NEK10: variants seen among roughly 807,000 people sequenced by gnomAD.
NEK10 encodes serine/threonine-protein kinase Nek10.
A neutral mutation model predicts 159.8 loss-of-function variants in NEK10; 122 were observed. The ratio of observed to expected loss-of-function variants is 0.76; its 90% CI spans 0.66 to 0.89. The LOEUF is 0.89. Ranked by LOEUF, NEK10 falls within the 40% of genes least tolerant of loss-of-function variation. The probability of loss-of-function intolerance (pLI) is 0.00; values close to 1 mark genes in which losing one functional copy is unlikely to be tolerated. For synonymous variants in NEK10, 466 were observed against 457.1 expected (o/e 1.02, Z -0.25); for missense variants, 1,342 against 1,323.1 (o/e 1.01, Z -0.22).
intron 32 of NEK10, among the ~76,000 whole-genome samples, chr3:27,122,000 T>G (rs996525419): frequency 6.6e-6 from 1 of 152,218 alleles, no homozygotes; most frequent in African/African-American, 2.4e-5. Flanking sequence ...CAATGGACTT[T>G]GGATATTGTA....
chr3:27,291,803 C>T lies in NEK10; in HGVS notation c.1374-217G>A, dbSNP rs550965487. On this transcript the variant is annotated intron_variant, in intron 16 of 35. Coordinates refer to ENST00000691995, the MANE Select transcript of NEK10 (RefSeq NM_001394966.1). Reference sequence around the variant, plus strand: ...GACTACAGGTGCCTGCCACCATGCCCGGCTAATTTTTTGTATTTTTAGTAG... The same window carrying T: ...GACTACAGGTGCCTGCCACCATGCCTGGCTAATTTTTTGTATTTTTAGTAG... 1.2e-3 allele frequency among the ~76,000 whole-genome samples: 175 copies of T among 151,954 alleles called. 1 individual carries two copies. Among genetic ancestry groups the T allele is most frequent in the African/African-American group, 4.0e-3 (164 of 41,328 alleles).
intron 26 of NEK10, among the ~76,000 whole-genome samples, chr3:27,184,812 A>C (rs984863372): frequency 2.0e-5 from 3 of 152,218 alleles, no homozygotes; most frequent in Non-Finnish European, 4.4e-5. Context: ...TCCTTTAAAA[A>C]TACATCATTT....
chr3:27,141,462 T>C lies in NEK10; in HGVS notation c.2970+20A>G. ...ACTTGCATTTAAGATGAAAAGGAAATAAAAAGCTAGAACACTGACCTGTGT... is the reference window on the plus strand; with the variant it reads ...ACTTGCATTTAAGATGAAAAGGAAACAAAAAGCTAGAACACTGACCTGTGT... On this transcript the variant is annotated intron_variant, in intron 31 of 35. Coordinates refer to ENST00000691995, the MANE Select transcript of NEK10 (RefSeq NM_001394966.1). 1 of 1,547,862 alleles carries C rather than the reference T, an allele frequency of 6.5e-7. No individual in the cohort carries two copies. The highest frequency in any genetic ancestry group is 1.2e-5 in the South Asian group (1 of 84,082).
At position 27,202,524 on chromosome 3, in the gene NEK10, C is replaced by G; in HGVS notation, c.2124G>C (p.Glu708Asp). 6.2e-7 allele frequency: 1 copy of G among 1,612,562 alleles called. No homozygotes were observed. Among genetic ancestry groups the G allele is most frequent in the Non-Finnish European group, 8.5e-7 (1 of 1,179,166 alleles). Residue 708 changes from glutamate to aspartate, a missense_variant, in exon 24 of 36, where the codon GAG becomes GAC. By Grantham distance (45) the Glu-to-Asp change is conservative. Transcript: ENST00000691995. ...AGCCTACTGCCCAGACATCAGCCTT[C>G]TCCCCATACGGCTCACTCTTCAGTA... ...PEVLKSEPYG[E>D]KADVWAVGCI...
chr3:27,295,466 C>A, intron 15 of NEK10, 147 bp downstream of exon 15: 1 of 883,278 alleles, frequency 1.1e-6, no homozygotes, highest in African/African-American at 1.7e-5. Flanking sequence ...TGATTCCATG[C>A]CAGTCTTCCT....
At chr3:27,162,811 G>T in intron 29 of NEK10, 73 bp from the exon 30 acceptor site, 1 of 1,600,838 alleles carries the variant, frequency 6.2e-7, no homozygotes, top group Non-Finnish European at 8.5e-7. Flanking sequence ...CCTACATCTT[G>T]CTATGGTCTA....
At chr3:27,147,400 C>G (rs567376272) in intron 30 of NEK10, among the ~76,000 whole-genome samples, 24 of 152,328 alleles carry the variant, frequency 1.6e-4, no homozygotes, top group African/African-American at 5.8e-4. Context: ...TTGGAAGGAG[C>G]TTGGCAGTCT....
intron 23 of NEK10, among the ~76,000 whole-genome samples, chr3:27,219,727 G>A (rs534520417): frequency 6.6e-6 from 1 of 152,226 alleles, no homozygotes; most frequent in East Asian, 1.9e-4. Flanking sequence ...TTCTAGTTGA[G>A]TCACTTAGTC....
chr3:27,107,682 T>A lies in NEK10; in HGVS notation c.*3590A>T, dbSNP rs944494778. Among the ~76,000 whole-genome samples, 3 of 152,206 alleles carry A rather than the reference T, an allele frequency of 2.0e-5. No individual in the cohort carries two copies. The highest frequency in any genetic ancestry group is 7.2e-5 in the African/African-American group (3 of 41,456). ...GCTTCCCTTACGTTGGAGCCCTTCA[T>A]AGCTGTAACTCCAGGGTGCCAAGAA... On this transcript the variant is annotated 3_prime_UTR_variant, in exon 36 of 36. Coordinates refer to ENST00000691995, the MANE Select transcript of NEK10 (RefSeq NM_001394966.1).
rs558231511 is a variant in NEK10 at position 27,292,401 on chromosome 3, G to A, written c.1374-815C>T. Among the ~76,000 whole-genome samples, 28 of 152,136 alleles carry A rather than the reference G, an allele frequency of 1.8e-4. 1 individual carries two copies. The highest frequency in any genetic ancestry group is 3.7e-4 in the Non-Finnish European group (25 of 67,990). On this transcript the variant is annotated intron_variant, in intron 16 of 35. Transcript: ENST00000691995. ...CCCAACTTTTAAATAAAAGTTTCAT[G>A]AAAATAAAAATACTGGTACATGAAA...
In NEK10 at chr3:27,283,514, C is replaced by T. The variant is rs181369562; in HGVS notation, c.2014+1088G>A. 7.2e-5 allele frequency among the ~76,000 whole-genome samples: 11 copies of T among 152,052 alleles called. No individual in the cohort carries two copies. The South Asian group carries it at 1.2e-3, about 17-fold the overall frequency. ...AAAAATTTTTATTGCTGGGATGTTA[C>T]GGTGAAAAACATTTGGAGACTGCTG... On this transcript the variant is annotated intron_variant, in intron 22 of 35. Transcript: ENST00000691995.
Position 27,141,468 on chromosome 3 carries a change from G to A in NEK10, c.2970+14C>T. 19 of 1,567,008 alleles carry A rather than the reference G, an allele frequency of 1.2e-5. No individual in the cohort carries two copies. The highest frequency in any genetic ancestry group is 1.7e-5 in the Non-Finnish European group (19 of 1,148,440). ...ATTTAAGATGAAAAGGAAATAAAAA[G>A]CTAGAACACTGACCTGTGTGATATA... On this transcript the variant is annotated intron_variant, in intron 31 of 35. Transcript: ENST00000691995.
At chr3:27,310,105 T>C (rs2044571383) in intron 9 of NEK10, 2 of 152,240 alleles carry the variant, frequency 1.3e-5, no homozygotes, top group South Asian at 4.1e-4. Flanking sequence ...TTTGCCTTTA[T>C]GATTTCATTT....
chr3:27,213,349 T>A (rs1432648850), intron 23 of NEK10, among the ~76,000 whole-genome samples: 1 of 152,204 alleles, frequency 6.6e-6, no homozygotes, highest in Non-Finnish European at 1.5e-5. Flanking sequence ...TTATTAAAAC[T>A]GATCTTTGCT....
chr3:27,186,846 G>A (rs1948668210), intron 26 of NEK10, among the ~76,000 whole-genome samples: 1 of 152,182 alleles, frequency 6.6e-6, no homozygotes, highest in Non-Finnish European at 1.5e-5. Context: ...TAGTGCCAGT[G>A]AGTTCCCCAT....
intron 30 of NEK10, among the ~76,000 whole-genome samples, chr3:27,160,148 T>G (rs1167830551): frequency 6.6e-6 from 1 of 152,166 alleles, no homozygotes; most frequent in African/African-American, 2.4e-5. Context: ...CAAATTTAAG[T>G]GCTTTACCTA....
chr3:27,347,173 C>G (rs62255657), intron 3 of NEK10, among the ~76,000 whole-genome samples: 42,793 of 151,966 alleles, frequency 0.28, 6,138 homozygotes, highest in Middle Eastern at 0.39. Flanking sequence ...TAATATGTTG[C>G]ACTTGTTGTC....
intron 29 of NEK10, among the ~76,000 whole-genome samples, chr3:27,163,629 G>A (rs576923734): frequency 9.3e-4 from 142 of 152,200 alleles, no homozygotes; most frequent in African/African-American, 3.4e-3. Flanking sequence ...TGGGATTACA[G>A]GTGTGAGCCA....
chr3:27,174,843 G>T lies in NEK10; in HGVS notation c.2506-10C>A. 1 of 1,559,256 alleles carries T rather than the reference G, an allele frequency of 6.4e-7. No individual in the cohort carries two copies. Among genetic ancestry groups the T allele is most frequent in the Non-Finnish European group, 8.6e-7 (1 of 1,157,788 alleles). On this transcript the variant is annotated splice_polypyrimidine_tract_variant and intron_variant, in intron 26 of 35. Transcript: ENST00000691995. The stretch of plus-strand genomic sequence containing the variant: ...CCTTCTCAAAGGTCTCCTGGAAAGA[G>T]AAATTCAGTTTTTCATAGCCTCTTT...
Sources: allele counts gnomAD v4.1 joint callset (sites outside exome capture counted in the v4.1 genomes callset), GRCh38; gene constraint gnomAD v4.1.1; transcripts MANE v1.5; gene names NCBI Gene and HGNC (gene_info 2026-07-23, HGNC 2026-07-21).